The following GLYAT variants were observed in gnomAD, a reference collection of about 807,000 sequenced individuals.
GLYAT encodes glycine N-acyltransferase.
GLYAT carries 25 observed loss-of-function variants against 22.8 expected under a neutral mutation model. The observed-to-expected ratio is 1.09, with a 90% CI of 0.80 to 1.53. The LOEUF (loss-of-function observed/expected upper bound fraction) is 1.53. GLYAT is among the 40% of genes most tolerant of loss of function. The pLI, the probability that GLYAT is intolerant of heterozygous loss-of-function variation, is 0.00. For missense variants in GLYAT, 411 were observed against 353.9 expected (o/e 1.16, Z -1.29); for synonymous variants, 140 against 122.7 (o/e 1.14, Z -0.93).
At chr11:58,710,878 T>G in intron 4 of GLYAT, 117 bp from the exon 5 acceptor site, 2 of 664,788 alleles carry the variant, frequency 3.0e-6, no homozygotes, top group Non-Finnish European at 5.4e-6. Flanking sequence ...CTGGGCTTGG[T>G]GCTACCACTG....
chr11:58,727,390 C>G (rs1856821535), intron 1 of GLYAT, among the ~76,000 whole-genome samples: 1 of 152,152 alleles, frequency 6.6e-6, no homozygotes, highest in African/African-American at 2.4e-5. Context: ...TCAAGCCAGA[C>G]AGTTTGGTAG....
At chr11:58,728,052 GC>G (rs1856827586) in intron 1 of GLYAT, among the ~76,000 whole-genome samples, 1 of 99,486 alleles carries the variant, frequency 1.0e-5, no homozygotes, top group Non-Finnish European at 1.9e-5. Context: ...TTGCTCTAAA[GC>G]TTTTTTTTTT....
intron 5 of GLYAT, 23 bp downstream of exon 5, chr11:58,710,567 A>C (rs1215896803): frequency 3.2e-6 from 5 of 1,556,434 alleles, no homozygotes; most frequent in Non-Finnish European, 4.4e-6. Context: ...TGAGTGGTAT[A>C]GACTGGATTT....
intron 2 of GLYAT, among the ~76,000 whole-genome samples, chr11:58,717,039 T>C (rs1482499277): frequency 1.3e-5 from 2 of 152,134 alleles, no homozygotes; most frequent in Admixed American, 1.3e-4. Context: ...CAATCAGATA[T>C]ACATCTTTCT....
intron 3 of GLYAT, 88 bp from the exon 4 acceptor site, chr11:58,712,974 A>G (rs772075618): frequency 5.0e-6 from 4 of 804,222 alleles, no homozygotes; most frequent in South Asian, 2.5e-5. Context: ...CTAAGTAATA[A>G]AATATTGGTA....
chr11:58,711,300 T>C (rs1856613985), intron 4 of GLYAT, among the ~76,000 whole-genome samples: 1 of 152,134 alleles, frequency 6.6e-6, no homozygotes, highest in African/African-American at 2.4e-5. Flanking sequence ...TTCCAGCCAA[T>C]GGAAACCAGA....
intron 1 of GLYAT, among the ~76,000 whole-genome samples, chr11:58,727,042 G>A (rs935430963): frequency 6.6e-6 from 1 of 152,054 alleles, no homozygotes; most frequent in African/African-American, 2.4e-5. Context: ...AAGTGTCATA[G>A]CCCTATGCAG....
intron 4 of GLYAT, among the ~76,000 whole-genome samples, chr11:58,711,658 C>T (rs148273003): frequency 3.3e-5 from 5 of 152,212 alleles, no homozygotes; most frequent in African/African-American, 4.8e-5. Context: ...ATTTAAAAAA[C>T]GGTAGGTAAC....
At chr11:58,721,963 G>A (rs561933571) in intron 2 of GLYAT, among the ~76,000 whole-genome samples, 8 of 152,112 alleles carry the variant, frequency 5.3e-5, no homozygotes, top group African/African-American at 1.7e-4. Flanking sequence ...TCTGAGCACC[G>A]TAAGTGTAAG....
intron 1 of GLYAT, among the ~76,000 whole-genome samples, chr11:58,731,308 G>A (rs1036480206): frequency 3.3e-5 from 5 of 152,136 alleles, no homozygotes; most frequent in African/African-American, 1.2e-4. Flanking sequence ...TCATCCACCT[G>A]CTTCCAAGAA....
At position 58,726,022 on chromosome 11, in the gene GLYAT, A is replaced by G. The variant is rs541719506; in HGVS notation, c.-15-1511T>C. On this transcript the variant is annotated intron_variant, in intron 1 of 5. Transcript: ENST00000344743. ...TGCACATGCTTAAGCCTGCTTGCCC[A>G]ACTCCTGAGGTCTTGTCAGGAAGCT... Among the ~76,000 whole-genome samples the G allele has an allele frequency of 1.5e-4, 23 of 152,232 alleles. 1 individual carries two copies. The Middle Eastern group carries it at 0.01, about 68-fold the overall frequency.
In GLYAT at chr11:58,709,575, C is replaced by G. The variant is rs970895340; in HGVS notation, c.*191G>C. The stretch of plus-strand genomic sequence containing the variant: ...TCAAATGTAAGAGGACCTGGGCCTG[C>G]TTCCCACTGAGAAACCTGTGAATGC... On this transcript the variant is annotated 3_prime_UTR_variant, in exon 6 of 6. Coordinates refer to ENST00000344743, the MANE Select transcript of GLYAT (RefSeq NM_201648.3). 8 of 562,814 alleles carry G rather than the reference C, an allele frequency of 1.4e-5. No homozygotes were observed. The highest frequency in any genetic ancestry group is 1.1e-4 in the African/African-American group (6 of 53,656). The allele number at this position is 562,814 out of a possible 1,614,324, so 34.9% of individuals were successfully genotyped here. A position where few individuals can be genotyped will look rare whatever the true frequency, so the allele number is the denominator to read the frequency against.
At chr11:58,715,289 G>T in intron 3 of GLYAT, 27 bp downstream of exon 3, 1 of 954,898 alleles carries the variant, frequency 1.0e-6, no homozygotes, top group Non-Finnish European at 1.7e-6. Flanking sequence ...TATAAATATA[G>T]AAGAATATTC....
intron 1 of GLYAT, among the ~76,000 whole-genome samples, chr11:58,728,912 A>G (rs1311472142): frequency 6.8e-6 from 1 of 147,308 alleles, no homozygotes; most frequent in African/African-American, 2.5e-5. Flanking sequence ...GAAGGAAGGA[A>G]GGAAGGAAGG....
At position 58,709,763 on chromosome 11, in the gene GLYAT, G is replaced by T; in HGVS notation, c.*3C>A. The T allele has an allele frequency of 1.9e-6, 3 of 1,602,752 alleles. No individual in the cohort carries two copies. Among genetic ancestry groups the T allele is most frequent in the Non-Finnish European group, 2.6e-6 (3 of 1,173,064 alleles). On this transcript the variant is annotated 3_prime_UTR_variant, in exon 6 of 6. Coordinates refer to ENST00000344743, the MANE Select transcript of GLYAT (RefSeq NM_201648.3). ...CAACACTGTCTTATGTTCAGGATTG[G>T]CATCACAGAGGTACACAGTTCCACT...
At chr11:58,724,324 C>T (rs1361980949) in intron 2 of GLYAT, 92 bp downstream of exon 2, 2 of 623,632 alleles carry the variant, frequency 3.2e-6, no homozygotes, top group East Asian at 2.8e-5. Flanking sequence ...GTGCCTGGCT[C>T]AAAATAGGTG....
chr11:58,726,836 C>T (rs899007876), intron 1 of GLYAT, among the ~76,000 whole-genome samples: 4 of 151,982 alleles, frequency 2.6e-5, no homozygotes, highest in Non-Finnish European at 4.4e-5. Context: ...TCATGAAAAG[C>T]CTTCATATGC....
chr11:58,727,803 A>G (rs1284873531), intron 1 of GLYAT, among the ~76,000 whole-genome samples: 1 of 152,148 alleles, frequency 6.6e-6, no homozygotes. Flanking sequence ...ACCTTAAGTG[A>G]GCATGCATAC....
chr11:58,715,685 A>C (rs1856671504), intron 2 of GLYAT, among the ~76,000 whole-genome samples: 1 of 152,152 alleles, frequency 6.6e-6, no homozygotes, highest in South Asian at 2.1e-4. Context: ...TAATAAAATT[A>C]CTGATATTTG....
Sources: allele counts gnomAD v4.1 joint callset (sites outside exome capture counted in the v4.1 genomes callset), GRCh38; gene constraint gnomAD v4.1.1; transcripts MANE v1.5; gene names NCBI Gene and HGNC (gene_info 2026-07-23, HGNC 2026-07-21).